The following EARS2 variants were observed in gnomAD, a reference collection of about 807,000 sequenced individuals.
EARS2 encodes glutamyl-tRNA synthetase 2, mitochondrial, also known as nondiscriminating glutamyl-tRNA synthetase EARS2, mitochondrial.
Under a neutral mutation model 54.1 loss-of-function variants are expected in EARS2, and 50 were observed. The ratio of observed to expected loss-of-function variants is 0.92; its 90% CI spans 0.74 to 1.17. The LOEUF (loss-of-function observed/expected upper bound fraction) is 1.17. Ranked by LOEUF, EARS2 falls within the 50% of genes most tolerant of loss-of-function variation. The pLI, the probability that EARS2 is intolerant of heterozygous loss-of-function variation, is 0.00. For synonymous variants in EARS2, 298 were observed against 281.0 expected, an observed-to-expected ratio of 1.06 and a Z score of -0.61; for missense variants, 673 against 675.0, an observed-to-expected ratio of 1.00 and a Z score of 0.03.
At chr16:23,528,894 T>C (rs902615942) in intron 7 of EARS2, among the ~76,000 whole-genome samples, 1 of 152,226 alleles carries the variant, frequency 6.6e-6, no homozygotes, top group African/African-American at 2.4e-5. Flanking sequence ...TCATTTCTTT[T>C]GTCTGGTAGA....
In EARS2 at chr16:23,529,243, G is replaced by C. The variant is rs890727568; in HGVS notation, c.1352+259C>G. On this transcript the variant is annotated intron_variant, in intron 7 of 8. Transcript: ENST00000449606. ...CAAAGTGAAGCCGCCTGAGCAAGGTGACATAATCTGGTGAGTACACGGCAG... is the reference window on the plus strand; with the variant it reads ...CAAAGTGAAGCCGCCTGAGCAAGGTCACATAATCTGGTGAGTACACGGCAG... 2.0e-5 allele frequency among the ~76,000 whole-genome samples: 3 copies of C among 152,370 alleles called. No individual in the cohort carries two copies. In the East Asian group the frequency reaches 5.8e-4, roughly 29 times the overall value.
At chr16:23,549,169 G>C (rs1597025195) in intron 2 of EARS2, among the ~76,000 whole-genome samples, 1 of 152,204 alleles carries the variant, frequency 6.6e-6, no homozygotes, top group South Asian at 2.1e-4. Context: ...CCAAGCTACA[G>C]GAGTGAAGAG....
chr16:23,536,534 T>C (rs1184834383), intron 3 of EARS2, among the ~76,000 whole-genome samples: 1 of 152,036 alleles, frequency 6.6e-6, no homozygotes, highest in Non-Finnish European at 1.5e-5. Flanking sequence ...TGGTGGTGCA[T>C]TCCTGTAGTC....
intron 1 of EARS2, 146 bp downstream of exon 1, chr16:23,557,059 C>A: frequency 2.4e-6 from 3 of 1,244,816 alleles, no homozygotes; most frequent in South Asian, 2.8e-5. Flanking sequence ...CCTCAGTTTC[C>A]GCCTCTGTAA....
rs1965166631 is a variant in EARS2 at position 23,523,058 on chromosome 16, A to T, written c.*1313T>A. 1 of 152,232 alleles carries T rather than the reference A, an allele frequency of 6.6e-6. No homozygotes were observed. The highest frequency in any genetic ancestry group is 6.5e-5 in the Admixed American group (1 of 15,280). The allele number at this position is 152,232 out of a possible 1,614,324, so 9.4% of individuals were successfully genotyped here. Reference sequence around the variant, plus strand: ...ACGATGTATTTTATGACTTACCCTCAGAAGTCAAACTCTCATTTCTTCAAT... The same window carrying T: ...ACGATGTATTTTATGACTTACCCTCTGAAGTCAAACTCTCATTTCTTCAAT... On this transcript the variant is annotated 3_prime_UTR_variant, in exon 9 of 9. Transcript: ENST00000449606.
intron 7 of EARS2, among the ~76,000 whole-genome samples, chr16:23,527,542 TGATC>T (rs1056674797): frequency 4.9e-5 from 7 of 142,352 alleles, no homozygotes; most frequent in African/African-American, 7.8e-5. Flanking sequence ...CAGACAAGAG[TGATC>T]GTTCTTTTTT....
chr16:23,531,447 G>C (rs993782607), intron 5 of EARS2, among the ~76,000 whole-genome samples: 1 of 152,120 alleles, frequency 6.6e-6, no homozygotes, highest in Middle Eastern at 3.4e-3. Flanking sequence ...ATTTTTAGTA[G>C]AGACGGGGTT....
At chr16:23,529,670 G>C (rs199549007) in intron 6 of EARS2, 38 bp from the exon 7 acceptor site, 2 of 1,613,158 alleles carry the variant, frequency 1.2e-6, no homozygotes, top group Non-Finnish European at 1.7e-6. Context: ...ACTAGGGACA[G>C]GGCTCTGGAA....
intron 3 of EARS2, among the ~76,000 whole-genome samples, chr16:23,544,252 T>C (rs901462041): frequency 6.6e-6 from 1 of 152,116 alleles, no homozygotes; most frequent in Admixed American, 6.6e-5. Flanking sequence ...GGACCTGAGG[T>C]TGGCCAATAG....
At chr16:23,532,035 A>G (rs1286495531) in intron 5 of EARS2, among the ~76,000 whole-genome samples, 4 of 152,020 alleles carry the variant, frequency 2.6e-5, no homozygotes, top group African/African-American at 9.7e-5. Context: ...CTGGTCTCGA[A>G]CTCCTGACCT....
At chr16:23,541,316 G>A (rs1466080750) in intron 3 of EARS2, among the ~76,000 whole-genome samples, 1 of 152,126 alleles carries the variant, frequency 6.6e-6, no homozygotes, top group Admixed American at 6.6e-5. Flanking sequence ...AATAGAGCAA[G>A]ACTCCATTTC....
At chr16:23,554,309 C>A (rs1965742283) in intron 1 of EARS2, among the ~76,000 whole-genome samples, 1 of 152,200 alleles carries the variant, frequency 6.6e-6, no homozygotes, top group South Asian at 2.1e-4. Context: ...CATGAGCCAC[C>A]ATGCCTTGCC....
At chr16:23,553,134 C>CA (rs1048418738) in intron 1 of EARS2, 22 of 218,276 alleles carry the variant, frequency 1.0e-4, no homozygotes, top group South Asian at 2.3e-4. Context: ...CTGTCTCAAA[C>CA]AAAAAAAATT....
At chr16:23,549,788 T>C (rs1965663091) in intron 2 of EARS2, among the ~76,000 whole-genome samples, 1 of 152,142 alleles carries the variant, frequency 6.6e-6, no homozygotes, top group Non-Finnish European at 1.5e-5. Context: ...TCCCTGGTCA[T>C]TCTGCTCACT....
At position 23,521,643 on chromosome 16, in the gene EARS2, T is replaced by C; in HGVS notation, c.*2728A>G. The C allele has an allele frequency of 2.3e-6, 1 of 436,556 alleles. No individual in the cohort carries two copies. The highest frequency in any genetic ancestry group is 4.6e-6 in the Non-Finnish European group (1 of 215,964). The allele number at this position is 436,556 out of a possible 1,614,324, so 27.0% of individuals were successfully genotyped here. On this transcript the variant is annotated 3_prime_UTR_variant, in exon 9 of 9. Coordinates refer to ENST00000449606, the MANE Select transcript of EARS2 (RefSeq NM_001083614.2). ...CCAAACTCCTGGCCTTTGACAAGCC[T>C]ACCACCTTTGCCTCACAAAGCATTA...
intron 1 of EARS2, chr16:23,556,963 A>C: frequency 1.4e-6 from 1 of 699,212 alleles, no homozygotes; most frequent in Non-Finnish European, 2.6e-6. Flanking sequence ...ACATGTATGG[A>C]ATGCATGAAA....
In EARS2 at chr16:23,535,925, A is replaced by T. The variant is rs1965410591; in HGVS notation, c.486-565T>A. On this transcript the variant is annotated intron_variant, in intron 3 of 8. Transcript: ENST00000449606. Reference sequence around the variant, plus strand: ...ACTTGCAACTGCAGGAGGGAAGGCAATGAAGTCAGAGAGAAGCCAAAATAG... The same window carrying T: ...ACTTGCAACTGCAGGAGGGAAGGCATTGAAGTCAGAGAGAAGCCAAAATAG... Among the ~76,000 whole-genome samples, 3 of 152,200 alleles carry T rather than the reference A, an allele frequency of 2.0e-5. No homozygotes were observed. In the South Asian group the frequency reaches 6.2e-4, roughly 31 times the overall value.
chr16:23,538,638 C>T (rs970340791), intron 3 of EARS2, among the ~76,000 whole-genome samples: 6 of 152,150 alleles, frequency 3.9e-5, no homozygotes, highest in African/African-American at 1.4e-4. Context: ...AGGAGAACTG[C>T]TTGAGCCCAG....
In EARS2 at chr16:23,532,616, A is replaced by C. The variant is rs780453679; in HGVS notation, c.1067+41T>G. ...GCTGTAGGGATCATCATAAGCAAGA[A>C]AGCCCTTTGCCACCAGGGGATCTCC... On this transcript the variant is annotated intron_variant, in intron 5 of 8. Transcript: ENST00000449606. 7.4e-6 allele frequency: 11 copies of C among 1,489,814 alleles called. No homozygotes were observed. The East Asian group carries it at 2.3e-4, about 31-fold the overall frequency. The allele number at this position is 1,489,814 out of a possible 1,614,324, so 92.3% of individuals were successfully genotyped here.
Sources: allele counts gnomAD v4.1 joint callset (sites outside exome capture counted in the v4.1 genomes callset), GRCh38; gene constraint gnomAD v4.1.1; transcripts MANE v1.5; gene names NCBI Gene and HGNC (gene_info 2026-07-23, HGNC 2026-07-21).